Variants in OSBPL10 observed in about 807,000 individuals in gnomAD.
The protein encoded by OSBPL10 is oxysterol-binding protein-related protein 10.
OSBPL10 carries 49 observed loss-of-function variants against 81.7 expected under a neutral mutation model. The ratio of observed to expected loss-of-function variants is 0.60; its 90% CI spans 0.48 to 0.76. The LOEUF (loss-of-function observed/expected upper bound fraction) is 0.76. Ranked by LOEUF, OSBPL10 falls within the 30% of genes least tolerant of loss-of-function variation. The probability of loss-of-function intolerance (pLI) is 0.00; values close to 1 mark genes in which losing one functional copy is unlikely to be tolerated. For missense variants in OSBPL10, 923 were observed against 987.8 expected (o/e 0.93, Z 0.88); for synonymous variants, 419 against 383.6 (o/e 1.09, Z -1.08).
intron 2 of OSBPL10, among the ~76,000 whole-genome samples, chr3:32,024,281 AT>A (rs1699383430): frequency 6.6e-6 from 1 of 152,192 alleles, no homozygotes; most frequent in East Asian, 1.9e-4. Flanking sequence ...ATTCTGTTGA[AT>A]GTAAATCAAT....
intron 4 of OSBPL10, chr3:31,797,720 C>G (rs973843246): frequency 6.8e-6 from 3 of 438,164 alleles, no homozygotes; most frequent in Admixed American, 2.5e-5. Flanking sequence ...ATATAAGTCA[C>G]AGTCACTTTT....
chr3:31,830,087 G>A lies in OSBPL10; in HGVS notation c.682C>T (p.Arg228Ter), dbSNP rs766256601. The part of the protein sequence containing the change: ...ITHHKSPAAA[R>*]RAKSQYSGQL... ...CCGGAATACTGACTCTTGGCTCTTC[G>A]GGCGGCTGCAGGCGACTTGTGATGC... Residue 228 changes from arginine (R) to a stop codon, truncating the protein, a stop_gained, in exon 4 of 12, where the codon CGA (arginine) becomes TGA (stop). Coordinates refer to ENST00000396556, the MANE Select transcript of OSBPL10 (RefSeq NM_017784.5). LOFTEE classifies it high-confidence loss of function. 6 of 1,613,846 alleles carry A rather than the reference G, an allele frequency of 3.7e-6. No homozygotes were observed. The highest frequency in any genetic ancestry group is 2.7e-5 in the African/African-American group (2 of 74,896).
chr3:31,881,644 A>G (rs1371589880), intron 1 of OSBPL10, among the ~76,000 whole-genome samples: 1 of 152,216 alleles, frequency 6.6e-6, no homozygotes, highest in African/African-American at 2.4e-5. Flanking sequence ...ATTAATAAGT[A>G]ATTGTGGTTA....
intron 8 of OSBPL10, among the ~76,000 whole-genome samples, chr3:31,673,422 A>G (rs760258213): frequency 5.3e-5 from 8 of 152,328 alleles, no homozygotes; most frequent in South Asian, 4.2e-4. Context: ...GGGAAAGTGG[A>G]AGAGAGAGAG....
At chr3:31,751,691 T>C (rs1222225163) in intron 4 of OSBPL10, among the ~76,000 whole-genome samples, 1 of 152,202 alleles carries the variant, frequency 6.6e-6, no homozygotes, top group East Asian at 1.9e-4. Flanking sequence ...CTTGAGAAAC[T>C]GAATGCTAAA....
Position 32,062,056 on chromosome 3 carries a change from G to T in OSBPL10, n.185+15340C>A, listed in dbSNP as rs1381247809. ...CCCAACTACAGGTCCTTTTTTATAA[G>T]GTTCTCTTTAATCTATGGTATGGTT... On this transcript the variant is annotated intron_variant and non_coding_transcript_variant, in intron 1 of 3. Coordinates refer to the OSBPL10 transcript ENST00000479173. Among the ~76,000 whole-genome samples, 4 of 87,874 alleles carry T rather than the reference G, an allele frequency of 4.6e-5. 1 individual carries two copies. Among genetic ancestry groups the T allele is most frequent in the African/African-American group, 1.1e-4 (4 of 35,274 alleles). 57.6% of individuals were successfully genotyped at this position (87,874 alleles called of 152,430 possible). A position where few individuals can be genotyped will look rare whatever the true frequency, so the allele number is the denominator to read the frequency against.
At chr3:31,859,335 G>A (rs988672200) in intron 3 of OSBPL10, among the ~76,000 whole-genome samples, 1 of 152,222 alleles carries the variant, frequency 6.6e-6, no homozygotes, top group Non-Finnish European at 1.5e-5. Context: ...GGCTCTAGGA[G>A]GGTGACCGCC....
chr3:31,924,437 C>G (rs930949457), intron 1 of OSBPL10, among the ~76,000 whole-genome samples: 2 of 151,984 alleles, frequency 1.3e-5, no homozygotes, highest in African/African-American at 4.8e-5. Context: ...AGAGTAGATT[C>G]AAGACTTCCT....
intron 1 of OSBPL10, among the ~76,000 whole-genome samples, chr3:31,923,532 G>A (rs537682608): frequency 1.8e-4 from 27 of 152,202 alleles, no homozygotes; most frequent in Non-Finnish European, 2.8e-4. Context: ...GCTCATCCCT[G>A]TAATCCCAGC....
chr3:31,769,760 T>C (rs1484871732), intron 4 of OSBPL10, among the ~76,000 whole-genome samples: 2 of 152,196 alleles, frequency 1.3e-5, no homozygotes, highest in Middle Eastern at 3.4e-3. Context: ...CCTCACCCAC[T>C]TCTTGCTTTC....
chr3:31,954,289 C>T (rs1336179887), intron 1 of OSBPL10, among the ~76,000 whole-genome samples: 1 of 152,194 alleles, frequency 6.6e-6, no homozygotes, highest in Non-Finnish European at 1.5e-5. Context: ...AGCCCCTCAA[C>T]TCTAATCCTC....
intron 1 of OSBPL10, among the ~76,000 whole-genome samples, chr3:31,887,051 C>T (rs1053159914): frequency 2.6e-5 from 4 of 152,112 alleles, no homozygotes; most frequent in Non-Finnish European, 5.9e-5. Flanking sequence ...CTGAGACCCT[C>T]CCTACCCTCA....
At chr3:31,862,344 C>T (rs898589112) in intron 3 of OSBPL10, among the ~76,000 whole-genome samples, 15 of 151,994 alleles carry the variant, frequency 9.9e-5, no homozygotes, top group African/African-American at 2.9e-4. Flanking sequence ...TTGGAAAGAC[C>T]GAAGCCTGGT....
At chr3:31,955,413 T>A (rs1697981601) in intron 1 of OSBPL10, among the ~76,000 whole-genome samples, 1 of 152,208 alleles carries the variant, frequency 6.6e-6, no homozygotes, top group African/African-American at 2.4e-5. Flanking sequence ...AAGAACCATA[T>A]GAGCCCAACA....
chr3:31,995,858 A>G (rs764687487), intron 2 of OSBPL10, among the ~76,000 whole-genome samples: 5 of 152,206 alleles, frequency 3.3e-5, no homozygotes, highest in Admixed American at 6.5e-5. Flanking sequence ...ATGAAGTGAC[A>G]TGCAGTTAGT....
chr3:31,900,595 AGTT>A (rs1488525077), intron 1 of OSBPL10, among the ~76,000 whole-genome samples: 2 of 152,236 alleles, frequency 1.3e-5, no homozygotes, highest in African/African-American at 2.4e-5. Flanking sequence ...CACTGCAGTC[AGTT>A]GTTGTAACAG....
At chr3:31,760,322 C>T (rs141679797) in intron 4 of OSBPL10, among the ~76,000 whole-genome samples, 10 of 152,212 alleles carry the variant, frequency 6.6e-5, no homozygotes, top group African/African-American at 2.2e-4. Context: ...TTCAAACCTG[C>T]GCTGTTCAAG....
intron 1 of OSBPL10, among the ~76,000 whole-genome samples, chr3:31,932,188 A>G (rs1697268951): frequency 6.6e-6 from 1 of 152,238 alleles, no homozygotes; most frequent in African/African-American, 2.4e-5. Flanking sequence ...AAAGTTTAAG[A>G]AAACCAAACA....
chr3:31,984,072 C>G (rs146072901), upstream of OSBPL10, among the ~76,000 whole-genome samples: 351 of 152,220 alleles, frequency 2.3e-3, no homozygotes, highest in African/African-American at 7.9e-3. Flanking sequence ...GAGTCTCGCT[C>G]TGTCACCCAG....
Sources: allele counts gnomAD v4.1 joint callset (sites outside exome capture counted in the v4.1 genomes callset), GRCh38; gene constraint gnomAD v4.1.1; transcripts MANE v1.5; gene names NCBI Gene and HGNC (gene_info 2026-07-23, HGNC 2026-07-21).